The following LAMA1 variants were observed in gnomAD, a reference collection of about 807,000 sequenced individuals.
LAMA1 encodes the protein laminin subunit alpha 1.
Under a neutral mutation model 348.7 loss-of-function variants are expected in LAMA1, and 219 were observed. That is an observed-to-expected ratio of 0.63 (90% CI 0.56 to 0.70). LAMA1 has a LOEUF of 0.70. Among genes scored for constraint, LAMA1 ranks in the 30% least tolerant of loss-of-function variants. The pLI is 0.00. For synonymous variants in LAMA1, 1,487 were observed against 1,491.0 expected, an observed-to-expected ratio of 1.00 and a Z score of 0.06; for missense variants, 3,744 against 3,888.0, an observed-to-expected ratio of 0.96 and a Z score of 0.99.
At chr18:7,012,183 A>G (rs756414472) in intron 23 of LAMA1, 45 bp from the exon 24 acceptor site, 1 of 1,598,752 alleles carries the variant, frequency 6.3e-7, no homozygotes, top group Non-Finnish European at 8.6e-7. Flanking sequence ...TAAAAAAGAG[A>G]TGTGATTTCT....
At chr18:7,024,957 C>G (rs1320930429) in intron 17 of LAMA1, among the ~76,000 whole-genome samples, 2 of 152,232 alleles carry the variant, frequency 1.3e-5, no homozygotes. Context: ...GGACCCCCTG[C>G]TAACGGATGC....
chr18:7,101,998 G>T (rs1459753509), intron 1 of LAMA1, among the ~76,000 whole-genome samples: 7 of 151,890 alleles, frequency 4.6e-5, no homozygotes, highest in Non-Finnish European at 1.0e-4. Flanking sequence ...TGACCAAAGG[G>T]TTATTTTCTT....
chr18:7,011,186 G>A, intron 25 of LAMA1, 114 bp downstream of exon 25: 1 of 1,187,234 alleles, frequency 8.4e-7, no homozygotes, highest in South Asian at 1.3e-5. Flanking sequence ...CTTAAAAGAG[G>A]AAATTAATAA....
chr18:6,977,666 T>C (rs2057688418), intron 44 of LAMA1, 61 bp downstream of exon 44: 2 of 1,602,016 alleles, frequency 1.2e-6, no homozygotes, highest in East Asian at 2.2e-5. Context: ...TCTGCATGAA[T>C]TCCCTGGGAC....
At chr18:7,039,910 TATA>T (rs1369029522) in intron 10 of LAMA1, among the ~76,000 whole-genome samples, 163 bp downstream of exon 10, 1 of 152,122 alleles carries the variant, frequency 6.6e-6, no homozygotes, top group Non-Finnish European at 1.5e-5. Context: ...AGTCCAAGCA[TATA>T]TAATACAGCC....
At chr18:7,012,206 A>G in intron 23 of LAMA1, 68 bp from the exon 24 acceptor site, 1 of 1,500,480 alleles carries the variant, frequency 6.7e-7, no homozygotes, top group Non-Finnish European at 9.2e-7. Flanking sequence ...ACAAACAGAG[A>G]CAAAATAGAG....
chr18:6,993,484 A>G (rs2057767260), intron 35 of LAMA1, among the ~76,000 whole-genome samples, 157 bp downstream of exon 35: 1 of 152,232 alleles, frequency 6.6e-6, no homozygotes, highest in Non-Finnish European at 1.5e-5. Flanking sequence ...GTCAAAGACT[A>G]AAGTTTGCAC....
At chr18:6,979,660 G>A (rs1461678679) in intron 42 of LAMA1, among the ~76,000 whole-genome samples, 1 of 152,194 alleles carries the variant, frequency 6.6e-6, no homozygotes, top group Admixed American at 6.5e-5. Context: ...AACACTTTGG[G>A]AGGCCAAGGC....
intron 19 of LAMA1, among the ~76,000 whole-genome samples, chr18:7,020,558 A>G (rs758126711): frequency 1.2e-4 from 18 of 152,148 alleles, no homozygotes; most frequent in Non-Finnish European, 2.1e-4. Context: ...TGTCTCATCG[A>G]AGCGAGGGGA....
rs1346832912 is a variant in LAMA1, at chr18:6,985,331, C to T, written c.5566G>A (p.Val1856Ile). ...AKIRHHIDDL[V>I]MHMSQRNAVD... ...GCGTTCCTTTGGGACATGTGCATGA[C>T]CAGGTCATCTATGTGGTGCCTGATT... Residue 1856 changes from valine (V) to isoleucine (I), a missense_variant, in exon 39 of 63, where the codon GTC becomes ATC. Coordinates refer to ENST00000389658, the MANE Select transcript of LAMA1 (RefSeq NM_005559.4). 6.2e-7 allele frequency: 1 copy of T among 1,614,052 alleles called. No individual in the cohort carries two copies. The highest frequency in any genetic ancestry group is 1.7e-5 in the Admixed American group (1 of 60,002).
intron 16 of LAMA1, among the ~76,000 whole-genome samples, chr18:7,030,428 G>A (rs2057963500): frequency 1.3e-5 from 2 of 152,120 alleles, no homozygotes; most frequent in Admixed American, 6.5e-5. Context: ...GTGGGGTCCT[G>A]GGTTCGATCC....
At chr18:7,091,382 A>T (rs2058239219) in intron 1 of LAMA1, among the ~76,000 whole-genome samples, 1 of 152,212 alleles carries the variant, frequency 6.6e-6, no homozygotes. Context: ...TAATGACAAC[A>T]CTGTTGGATT....
At chr18:7,044,635 C>T (rs2058034461) in intron 7 of LAMA1, 87 bp downstream of exon 7, 1 of 1,036,592 alleles carries the variant, frequency 9.6e-7, no homozygotes, top group Admixed American at 1.7e-5. Flanking sequence ...AAGTTACCTG[C>T]TAACTATAAA....
Position 7,010,406 on chromosome 18 carries a change from G to A in LAMA1, c.3688-21C>T, listed in dbSNP as rs372620545. On this transcript the variant is annotated intron_variant, in intron 25 of 62. Coordinates refer to ENST00000389658, the MANE Select transcript of LAMA1 (RefSeq NM_005559.4). ...ATGAGCTATCAAATAATAAAGTGTT[G>A]TTTACTTCTCTGACAAAGCTTTCAT... 58 of 1,606,306 alleles carry A rather than the reference G, an allele frequency of 3.6e-5. 1 individual carries two copies. The highest frequency in any genetic ancestry group is 4.5e-5 in the East Asian group (2 of 44,878).
At position 6,997,780 on chromosome 18, in the gene LAMA1, T is replaced by G; in HGVS notation, c.4768A>C (p.Ile1590Leu). 5 of 1,614,064 alleles carry G rather than the reference T, an allele frequency of 3.1e-6. No individual in the cohort carries two copies. The highest frequency in any genetic ancestry group is 4.2e-6 in the Non-Finnish European group (5 of 1,179,944). Reference protein sequence around the residue: ...LTGIIPVPYGILSNLENTTKY... With the variant: ...LTGIIPVPYGLLSNLENTTKY... ...GTTGTATTTTCCAGGTTTGACAAAA[T>G]TCCATATGGGACAGGGATAATGCCA... The change falls in exon 33 of 63, where the codon ATT (isoleucine) becomes CTT (leucine). Residue 1590 changes from isoleucine to leucine, a missense_variant. Ile to Leu is a conservative substitution (Grantham distance 5). Transcript: ENST00000389658.
intron 45 of LAMA1, 110 bp from the exon 46 acceptor site, chr18:6,975,146 A>G (rs2057676141): frequency 1.5e-6 from 2 of 1,291,340 alleles, no homozygotes; most frequent in South Asian, 3.0e-5. Flanking sequence ...TCTTAAAAAT[A>G]AATACATAAA....
intron 1 of LAMA1, among the ~76,000 whole-genome samples, chr18:7,099,398 T>A (rs1471826458): frequency 6.6e-6 from 1 of 151,172 alleles, no homozygotes; most frequent in East Asian, 1.9e-4. Context: ...ATGCTGACCT[T>A]CCCTCCACTA....
Position 6,986,293 on chromosome 18 carries a change from T to C in LAMA1, c.5223A>G (p.Glu1741=). 1 of 1,614,232 alleles carries C rather than the reference T, an allele frequency of 6.2e-7. No homozygotes were observed. Among genetic ancestry groups the C allele is most frequent in the African/African-American group, 1.3e-5 (1 of 75,058 alleles). ...CTGCTTCTTTCAATACCTCCAATTC[T>C]TCCAGCGGCTTCTGGTAATTTTCCT... The part of the protein sequence containing the change: ...QIQENYQKPL[E]ELEVLKEAAS... The change falls in exon 37 of 63, where the codon GAA becomes GAG. Residue 1741 remains glutamate (E), a synonymous_variant. Transcript: ENST00000389658.
chr18:7,054,222 A>G (rs995066568), intron 3 of LAMA1, among the ~76,000 whole-genome samples: 2 of 152,154 alleles, frequency 1.3e-5, no homozygotes, highest in African/African-American at 4.8e-5. Flanking sequence ...TCTCGTTTTT[A>G]TCCTCAGTAT....
Sources: gnomAD v4.1 joint callset for allele counts (sites outside exome capture counted in the v4.1 genomes callset) on GRCh38, gnomAD v4.1.1 for gene constraint, MANE v1.5 for transcripts, NCBI Gene and HGNC (gene_info 2026-07-23, HGNC 2026-07-21) for gene names.